The following UNC5D variants were observed in gnomAD, a reference collection of about 807,000 sequenced individuals.
The protein encoded by UNC5D is unc-5 netrin receptor D.
A neutral mutation model predicts 105.4 loss-of-function variants in UNC5D; 39 were observed. The observed-to-expected ratio is 0.37, with a 90% CI of 0.29 to 0.48. UNC5D has a LOEUF of 0.48. Ranked by LOEUF, UNC5D falls within the 20% of genes least tolerant of loss-of-function variation. UNC5D has a pLI of 0.98. For missense variants in UNC5D, 991 were observed against 1,202.4 expected, an observed-to-expected ratio of 0.82 and a Z score of 2.60; for synonymous variants, 452 against 450.4, an observed-to-expected ratio of 1.00 and a Z score of -0.04.
chr8:35,713,893 A>G (rs961659363), intron 8 of UNC5D, among the ~76,000 whole-genome samples: 2 of 152,262 alleles, frequency 1.3e-5, no homozygotes, highest in African/African-American at 4.8e-5. Flanking sequence ...GGTAAACAGC[A>G]TGAACTGTAG....
intron 1 of UNC5D, among the ~76,000 whole-genome samples, chr8:35,398,090 T>A (rs897975626): frequency 6.6e-6 from 1 of 152,212 alleles, no homozygotes; most frequent in Admixed American, 6.5e-5. Flanking sequence ...TTATTGTTAG[T>A]GAATGCCTAT....
At chr8:35,597,513 T>C (rs551665538) in intron 4 of UNC5D, among the ~76,000 whole-genome samples, 1 of 152,260 alleles carries the variant, frequency 6.6e-6, no homozygotes, top group South Asian at 2.1e-4. Flanking sequence ...AGTTTACAAA[T>C]GTTTTATGCA....
At chr8:35,308,806 CA>C (rs1201362111) in intron 1 of UNC5D, among the ~76,000 whole-genome samples, 1 of 151,864 alleles carries the variant, frequency 6.6e-6, no homozygotes, top group African/African-American at 2.4e-5. Context: ...GACTATCTTT[CA>C]AAAATGCATT....
At chr8:35,667,035 C>T (rs1033280953) in intron 4 of UNC5D, among the ~76,000 whole-genome samples, 1 of 152,066 alleles carries the variant, frequency 6.6e-6, no homozygotes, top group African/African-American at 2.4e-5. Context: ...CTAGTTAATA[C>T]ATTAGTTTAC....
intron 1 of UNC5D, among the ~76,000 whole-genome samples, chr8:35,270,288 C>T (rs1011462232): frequency 3.3e-5 from 5 of 152,042 alleles, no homozygotes; most frequent in South Asian, 4.2e-4. Flanking sequence ...CTTGGGCTTT[C>T]GATAGAAGAT....
chr8:35,318,825 A>G (rs1239663401), intron 1 of UNC5D, among the ~76,000 whole-genome samples: 2 of 152,108 alleles, frequency 1.3e-5, no homozygotes, highest in African/African-American at 2.4e-5. Context: ...GAGACCTTTG[A>G]TAATGAGGCA....
At chr8:35,479,382 A>G (rs1286706184) in intron 1 of UNC5D, among the ~76,000 whole-genome samples, 2 of 152,110 alleles carry the variant, frequency 1.3e-5, no homozygotes, top group Non-Finnish European at 2.9e-5. Context: ...AACAAAATGT[A>G]CTCTATATAA....
chr8:35,771,933 G>A (rs577019917), intron 15 of UNC5D, among the ~76,000 whole-genome samples: 1 of 152,282 alleles, frequency 6.6e-6, no homozygotes, highest in Admixed American at 6.5e-5. Flanking sequence ...CAAAATAACT[G>A]ATTAGGAAGT....
chr8:35,323,182 CTTTTTCTTTTT>C (rs1237268305), intron 1 of UNC5D, among the ~76,000 whole-genome samples: 39 of 115,694 alleles, frequency 3.4e-4, no homozygotes, highest in Non-Finnish European at 6.3e-4. Context: ...TCTAATTTTT[CTTTTTCTTTTT>C]TTTTTTTTTT....
intron 2 of UNC5D, among the ~76,000 whole-genome samples, chr8:35,564,699 A>G (rs904910603): frequency 1.3e-5 from 2 of 152,156 alleles, no homozygotes; most frequent in African/African-American, 4.8e-5. Context: ...TGTCACCTAA[A>G]TAGTGTACAT....
intron 1 of UNC5D, among the ~76,000 whole-genome samples, chr8:35,440,532 T>C (rs1013485799): frequency 7.2e-5 from 11 of 152,020 alleles, no homozygotes; most frequent in Non-Finnish European, 1.2e-4. Context: ...ATCTTCCTGA[T>C]GAATATATTT....
At chr8:35,379,645 A>C (rs1802904258) in intron 1 of UNC5D, among the ~76,000 whole-genome samples, 1 of 151,912 alleles carries the variant, frequency 6.6e-6, no homozygotes, top group Non-Finnish European at 1.5e-5. Context: ...CCCTATCTTT[A>C]AGTCTCCCTG....
intron 15 of UNC5D, 55 bp from the exon 16 acceptor site, chr8:35,774,244 T>G: frequency 6.3e-7 from 1 of 1,587,982 alleles, no homozygotes; most frequent in South Asian, 1.1e-5. Flanking sequence ...ATGAAAGTGT[T>G]GGTCAGGACT....
intron 4 of UNC5D, among the ~76,000 whole-genome samples, chr8:35,637,072 G>T (rs572021137): frequency 6.6e-6 from 1 of 152,284 alleles, no homozygotes; most frequent in East Asian, 1.9e-4. Flanking sequence ...ATCATGCCCA[G>T]GAACATAGTA....
chr8:35,433,298 G>A (rs1242575987), intron 1 of UNC5D, among the ~76,000 whole-genome samples: 2 of 152,102 alleles, frequency 1.3e-5, no homozygotes, highest in African/African-American at 4.8e-5. Flanking sequence ...ATCTCAAAAT[G>A]TTTATGTCCT....
intron 1 of UNC5D, among the ~76,000 whole-genome samples, chr8:35,282,579 A>G (rs1473846744): frequency 3.3e-5 from 5 of 152,154 alleles, no homozygotes; most frequent in Non-Finnish European, 5.9e-5. Context: ...TACCAAAATT[A>G]ATATAGAAAG....
At position 35,730,934 on chromosome 8, in the gene UNC5D, T is replaced by A. The variant is rs901949902; in HGVS notation, c.1682-78T>A. 5.4e-6 allele frequency: 7 copies of A among 1,303,794 alleles called. No homozygotes were observed. The African/African-American group carries it at 1.0e-4, about 19-fold the overall frequency. The allele number at this position is 1,303,794 out of a possible 1,614,324, so 80.8% of individuals were successfully genotyped here. A position where few individuals can be genotyped will look rare whatever the true frequency, so the allele number is the denominator to read the frequency against. On this transcript the variant is annotated intron_variant, in intron 10 of 16. Transcript: ENST00000404895. ...GAGAAAGTAGCTTGTTTTCCAGGTA[T>A]CTGTAAGGTGCTCGAGTGACAAACT...
chr8:35,718,422 G>C (rs1160857131), intron 8 of UNC5D, among the ~76,000 whole-genome samples: 1 of 152,184 alleles, frequency 6.6e-6, no homozygotes, highest in Non-Finnish European at 1.5e-5. Context: ...AATGAAAAGA[G>C]AGTCCTGGCA....
At chr8:35,618,893 A>G (rs1321121126) in intron 4 of UNC5D, among the ~76,000 whole-genome samples, 1 of 152,120 alleles carries the variant, frequency 6.6e-6, no homozygotes, top group Non-Finnish European at 1.5e-5. Context: ...ATTGTATCAC[A>G]TTACTCCCTG....
Sources: allele counts gnomAD v4.1 joint callset (sites outside exome capture counted in the v4.1 genomes callset), GRCh38; gene constraint gnomAD v4.1.1; transcripts MANE v1.5; gene names NCBI Gene and HGNC (gene_info 2026-07-23, HGNC 2026-07-21).